Variants in PHF3 observed in about 807,000 individuals in gnomAD.
PHF3 encodes PHD finger protein 3.
In PHF3, 41 loss-of-function variants were observed where a neutral mutation model predicts 178.4. The observed-to-expected ratio is 0.23, with a 90% confidence interval of 0.18 to 0.30. The LOEUF is 0.30. PHF3 is among the 10% of genes least tolerant of loss of function. The probability of loss-of-function intolerance (pLI) is 1.00; values close to 1 mark genes in which losing one functional copy is unlikely to be tolerated. For synonymous variants in PHF3, 842 were observed against 800.5 expected (o/e 1.05, Z -0.88); for missense variants, 2,346 against 2,398.1 (o/e 0.98, Z 0.45).
At chr6:63,703,952 C>T (rs563060448) in intron 11 of PHF3, among the ~76,000 whole-genome samples, 10 of 152,198 alleles carry the variant, frequency 6.6e-5, no homozygotes, top group Admixed American at 5.9e-4. Context: ...TTAGAATGAA[C>T]ATCAAACATT....
intron 2 of PHF3, among the ~76,000 whole-genome samples, chr6:63,660,284 T>C (rs1342592628): frequency 1.3e-5 from 2 of 151,910 alleles, no homozygotes; most frequent in African/African-American, 4.8e-5. Context: ...GGTAGACGTG[T>C]ACTGCAAGCT....
In PHF3 at chr6:63,713,715, C is replaced by T. The variant is rs756211050; in HGVS notation, c.*7C>T. ...AACTAAAAGCAAAAGGTAAAATTTG[C>T]AGGCTGCTTCAGGATTACATTTAAA... On this transcript the variant is annotated 3_prime_UTR_variant, in exon 16 of 16. Coordinates refer to ENST00000262043, the MANE Select transcript of PHF3 (RefSeq NM_001370348.2). 6.5e-6 allele frequency: 10 copies of T among 1,533,410 alleles called. No individual in the cohort carries two copies. Among genetic ancestry groups the T allele is most frequent in the Non-Finnish European group, 7.9e-6 (9 of 1,145,966 alleles). 95.0% of individuals were successfully genotyped at this position (1,533,410 alleles called of 1,614,324 possible). A position where few individuals can be genotyped will look rare whatever the true frequency, so the allele number is the denominator to read the frequency against.
intron 5 of PHF3, 133 bp from the exon 6 acceptor site, chr6:63,694,448 T>C: frequency 1.7e-6 from 1 of 578,934 alleles, no homozygotes; most frequent in Non-Finnish European, 2.9e-6. Context: ...CTACACAAAA[T>C]AGGTGCAGAA....
chr6:63,686,513 A>G (rs1766713946), intron 4 of PHF3, among the ~76,000 whole-genome samples: 1 of 152,114 alleles, frequency 6.6e-6, no homozygotes. Context: ...ATTTTTTGTG[A>G]ATTCTAGTCT....
chr6:63,655,094 A>G (rs2149549201), intron 2 of PHF3, among the ~76,000 whole-genome samples: 1 of 150,456 alleles, frequency 6.6e-6, no homozygotes, highest in South Asian at 2.1e-4. Context: ...ACAGAGTTTC[A>G]CTCTTGTTGC....
At chr6:63,642,522 T>G (rs1045210949) in intron 1 of PHF3, among the ~76,000 whole-genome samples, 2 of 152,238 alleles carry the variant, frequency 1.3e-5, no homozygotes, top group Non-Finnish European at 2.9e-5. Flanking sequence ...TATTCACTTA[T>G]ATACTTAGCT....
rs1026962814 is a variant in PHF3, at chr6:63,722,268, G to A, written c.*8560G>A. Reference sequence around the variant, plus strand: ...ACTTTGTTAATTAAGGATTTCATTCGCCTGTTTTCTAGGAACACTCCGCCA... The same window carrying A: ...ACTTTGTTAATTAAGGATTTCATTCACCTGTTTTCTAGGAACACTCCGCCA... On this transcript the variant is annotated 3_prime_UTR_variant, in exon 16 of 16. Transcript: ENST00000262043. Among the ~76,000 whole-genome samples, 9 of 151,588 alleles carry A rather than the reference G, an allele frequency of 5.9e-5. No individual in the cohort carries two copies. Among genetic ancestry groups the A allele is most frequent in the Non-Finnish European group, 1.2e-4 (8 of 67,932 alleles).
At chr6:63,709,050 C>G in intron 13 of PHF3, 101 bp from the exon 14 acceptor site, 1 of 579,626 alleles carries the variant, frequency 1.7e-6, no homozygotes, top group Non-Finnish European at 2.9e-6. Flanking sequence ...GTTTTTATTA[C>G]TGTTTCAAAT....
intron 10 of PHF3, 62 bp downstream of exon 10, chr6:63,702,701 G>T (rs953294527): frequency 6.8e-7 from 1 of 1,479,562 alleles, no homozygotes; most frequent in Non-Finnish European, 9.2e-7. Flanking sequence ...AGGTTTATTT[G>T]CCTAATGTTT....
chr6:63,652,671 A>T (rs923575223), intron 2 of PHF3, among the ~76,000 whole-genome samples: 1 of 152,160 alleles, frequency 6.6e-6, no homozygotes, highest in African/African-American at 2.4e-5. Context: ...TTTGGATCTT[A>T]CATTTAAGTC....
chr6:63,724,419 A>G lies in PHF3; in HGVS notation c.*10711A>G. Among the ~76,000 whole-genome samples, 1 of 152,140 alleles carries G rather than the reference A, an allele frequency of 6.6e-6. No homozygotes were observed. The highest frequency in any genetic ancestry group is 1.5e-5 in the Non-Finnish European group (1 of 68,024). ...AAGCAATGGTAATTTAAACTTATTTATATATTTTTAATATAGTTTAATTAT... is the reference window on the plus strand; with the variant it reads ...AAGCAATGGTAATTTAAACTTATTTGTATATTTTTAATATAGTTTAATTAT... On this transcript the variant is annotated 3_prime_UTR_variant, in exon 16 of 16. Coordinates refer to ENST00000262043, the MANE Select transcript of PHF3 (RefSeq NM_001370348.2).
intron 1 of PHF3, among the ~76,000 whole-genome samples, chr6:63,640,616 T>C (rs1004619305): frequency 6.6e-6 from 1 of 152,224 alleles, no homozygotes; most frequent in South Asian, 2.1e-4. Flanking sequence ...GTTCAGATTT[T>C]AGCTCTGTTC....
intron 1 of PHF3, among the ~76,000 whole-genome samples, chr6:63,643,590 A>G (rs949903474): frequency 6.6e-6 from 1 of 152,220 alleles, no homozygotes; most frequent in African/African-American, 2.4e-5. Context: ...CTTACTAAAC[A>G]TGTCTCACAC....
At chr6:63,645,099 G>T (rs1764729873) in intron 1 of PHF3, among the ~76,000 whole-genome samples, 1 of 151,978 alleles carries the variant, frequency 6.6e-6, no homozygotes. Context: ...GCCTAGGCTG[G>T]TCTCCAACTC....
intron 1 of PHF3, among the ~76,000 whole-genome samples, chr6:63,643,980 G>C (rs1764680483): frequency 6.6e-6 from 1 of 152,152 alleles, no homozygotes; most frequent in African/African-American, 2.4e-5. Flanking sequence ...GGGATCTTGA[G>C]CTTTGTGACC....
chr6:63,704,205 T>C (rs1226480395), intron 11 of PHF3, among the ~76,000 whole-genome samples: 2 of 152,070 alleles, frequency 1.3e-5, no homozygotes, highest in Non-Finnish European at 2.9e-5. Context: ...CACACCAGAG[T>C]GGTGCAGTTA....
At chr6:63,692,094 GGACT>G (rs1767032656) in intron 5 of PHF3, 51 bp downstream of exon 5, 1 of 1,231,670 alleles carries the variant, frequency 8.1e-7, no homozygotes, top group Admixed American at 2.6e-5. Flanking sequence ...CTTTTTGTAT[GGACT>G]GACTGCAATA....
At chr6:63,648,493 A>G (rs1056288233) in intron 2 of PHF3, among the ~76,000 whole-genome samples, 10 of 152,158 alleles carry the variant, frequency 6.6e-5, no homozygotes, top group Non-Finnish European at 1.5e-4. Flanking sequence ...TTTACTTATA[A>G]AATTCCACCC....
At chr6:63,660,120 T>C (rs1765403785) in intron 2 of PHF3, among the ~76,000 whole-genome samples, 1 of 152,032 alleles carries the variant, frequency 6.6e-6, no homozygotes, top group Non-Finnish European at 1.5e-5. Flanking sequence ...AGAATATATG[T>C]GTGTTTGTAG....
Sources: gnomAD v4.1 joint callset for allele counts (sites outside exome capture counted in the v4.1 genomes callset) on GRCh38, gnomAD v4.1.1 for gene constraint, MANE v1.5 for transcripts, NCBI Gene and HGNC (gene_info 2026-07-23, HGNC 2026-07-21) for gene names.